Variants in AMOTL1 observed in about 807,000 individuals in gnomAD.
The protein encoded by AMOTL1 is angiomotin-like protein 1.
AMOTL1 carries 45 observed loss-of-function variants against 102.9 expected under a neutral mutation model. The ratio of observed to expected loss-of-function variants is 0.44; its 90% CI spans 0.34 to 0.56. The LOEUF is 0.56. Among genes scored for constraint, AMOTL1 ranks in the 20% least tolerant of loss-of-function variants. The pLI, the probability that AMOTL1 is intolerant of heterozygous loss-of-function variation, is 0.01. For missense variants in AMOTL1, 1,114 were observed against 1,225.6 expected (o/e 0.91, Z 1.36); for synonymous variants, 481 against 484.7 (o/e 0.99, Z 0.10).
At chr11:94,743,207 A>G (rs74545445) in intron 3 of AMOTL1, among the ~76,000 whole-genome samples, 1 of 152,328 alleles carries the variant, frequency 6.6e-6, no homozygotes, top group East Asian at 1.9e-4. Context: ...ATCTGCAAAA[A>G]GCGGGGGTTG....
chr11:94,722,300 C>A (rs950551425), intron 1 of AMOTL1, among the ~76,000 whole-genome samples: 1 of 152,088 alleles, frequency 6.6e-6, no homozygotes, highest in African/African-American at 2.4e-5. Context: ...TAAATGACTC[C>A]TCACATTTTA....
At chr11:94,827,956 T>TC (rs2135651376) in intron 4 of AMOTL1, among the ~76,000 whole-genome samples, 1 of 152,244 alleles carries the variant, frequency 6.6e-6, no homozygotes, top group African/African-American at 2.4e-5. Context: ...TAATCTTCTG[T>TC]TTACCTCCCT....
intron 3 of AMOTL1, among the ~76,000 whole-genome samples, chr11:94,742,698 T>C (rs1298344207): frequency 1.3e-5 from 2 of 152,238 alleles, no homozygotes; most frequent in Non-Finnish European, 2.9e-5. Context: ...TCCATTTGTG[T>C]TGTTATATCA....
chr11:94,853,870 C>G (rs1952600008), intron 7 of AMOTL1, 63 bp from the exon 8 acceptor site: 2 of 1,559,482 alleles, frequency 1.3e-6, no homozygotes, highest in Non-Finnish European at 1.7e-6. Flanking sequence ...CCCACCTCCT[C>G]CACCCCAGCT....
chr11:94,796,663 G>T (rs537077845), intron 2 of AMOTL1, among the ~76,000 whole-genome samples: 1 of 152,130 alleles, frequency 6.6e-6, no homozygotes, highest in African/African-American at 2.4e-5. Context: ...GTTGTGATTT[G>T]TAACTGTTAT....
intron 1 of AMOTL1, among the ~76,000 whole-genome samples, chr11:94,710,381 T>C (rs1950004327): frequency 6.6e-6 from 1 of 152,204 alleles, no homozygotes; most frequent in Admixed American, 6.5e-5. Context: ...GACTCTGACA[T>C]TTTCTAGTTG....
At chr11:94,723,542 C>T (rs947432233) in intron 1 of AMOTL1, among the ~76,000 whole-genome samples, 5 of 152,070 alleles carry the variant, frequency 3.3e-5, no homozygotes, top group Admixed American at 3.3e-4. Context: ...TCAATAAATT[C>T]CCCAGCAGCT....
intron 6 of AMOTL1, among the ~76,000 whole-genome samples, chr11:94,847,517 C>A (rs957558567): frequency 6.6e-6 from 1 of 152,206 alleles, no homozygotes; most frequent in East Asian, 1.9e-4. Flanking sequence ...TAAGCATCAT[C>A]GTCATCAACA....
intron 3 of AMOTL1, among the ~76,000 whole-genome samples, chr11:94,811,470 T>A (rs1399354644): frequency 6.6e-6 from 1 of 151,960 alleles, no homozygotes; most frequent in Non-Finnish European, 1.5e-5. Flanking sequence ...CACTCCAGCC[T>A]GGGCGACAGA....
intron 6 of AMOTL1, among the ~76,000 whole-genome samples, chr11:94,843,973 T>G (rs1330624993): frequency 6.6e-6 from 1 of 152,304 alleles, no homozygotes; most frequent in East Asian, 1.9e-4. Flanking sequence ...GACACTGTTG[T>G]ACATGGCTCC....
chr11:94,816,419 C>T (rs148482109), intron 3 of AMOTL1, among the ~76,000 whole-genome samples: 23 of 152,144 alleles, frequency 1.5e-4, no homozygotes, highest in Admixed American at 5.9e-4. Context: ...AATTGAAGTA[C>T]GCTTTTTATT....
chr11:94,864,445 A>T (rs1458888440), intron 9 of AMOTL1, among the ~76,000 whole-genome samples: 1 of 152,128 alleles, frequency 6.6e-6, no homozygotes, highest in Non-Finnish European at 1.5e-5. Context: ...AAGGAAGAGA[A>T]TTGGACAGAA....
chr11:94,858,508 C>T (rs1952711120), intron 8 of AMOTL1, among the ~76,000 whole-genome samples: 1 of 152,176 alleles, frequency 6.6e-6, no homozygotes, highest in South Asian at 2.1e-4. Context: ...TTTTCTTAAT[C>T]TAGGGGATTA....
intron 1 of AMOTL1, among the ~76,000 whole-genome samples, chr11:94,711,763 A>T (rs1950025555): frequency 6.6e-6 from 1 of 152,118 alleles, no homozygotes; most frequent in African/African-American, 2.4e-5. Context: ...GCGTATCAAT[A>T]GTTGGTTCCT....
intron 1 of AMOTL1, among the ~76,000 whole-genome samples, chr11:94,793,171 A>G (rs7951109): frequency 0.031 from 4,714 of 152,300 alleles, 189 homozygotes; most frequent in African/African-American, 0.095. Context: ...AGATAGAATC[A>G]TCTGAAGTTG....
Position 94,769,459 on chromosome 11 carries a change from C to T in AMOTL1, c.49+899C>T, listed in dbSNP as rs148549050. Among the ~76,000 whole-genome samples the T allele has an allele frequency of 4.1e-3, 629 of 152,304 alleles. 13 individuals carry two copies. Among genetic ancestry groups the T allele is most frequent in the South Asian group, 0.034 (166 of 4,822 alleles). On this transcript the variant is annotated intron_variant, in intron 1 of 12. Coordinates refer to ENST00000433060, the MANE Select transcript of AMOTL1 (RefSeq NM_130847.3). ...GCTACCTGGACTGCGCTCGCGGCGA[C>T]GTGTCCAAGTTTCCCCCCTCAGAGC...
intron 8 of AMOTL1, among the ~76,000 whole-genome samples, chr11:94,858,828 A>G (rs1278822590): frequency 6.6e-6 from 1 of 152,228 alleles, no homozygotes. Context: ...ATTCTGAAGT[A>G]TGAACATCCT....
At chr11:94,736,766 A>G (rs1210517996) in intron 2 of AMOTL1, among the ~76,000 whole-genome samples, 1 of 152,132 alleles carries the variant, frequency 6.6e-6, no homozygotes, top group Non-Finnish European at 1.5e-5. Flanking sequence ...CAGCAGAACC[A>G]TTTCTTTATA....
At chr11:94,870,344 A>T (rs1287355657) in intron 12 of AMOTL1, among the ~76,000 whole-genome samples, 1 of 152,182 alleles carries the variant, frequency 6.6e-6, no homozygotes, top group Non-Finnish European at 1.5e-5. Context: ...CACTTTTTAA[A>T]GATGTGATTC....
Sources: allele counts gnomAD v4.1 joint callset (sites outside exome capture counted in the v4.1 genomes callset), GRCh38; gene constraint gnomAD v4.1.1; transcripts MANE v1.5; gene names NCBI Gene and HGNC (gene_info 2026-07-23, HGNC 2026-07-21).